The following ARID1B variants were observed in gnomAD, a reference collection of about 807,000 sequenced individuals.
ARID1B encodes AT-rich interactive domain-containing protein 1B.
A neutral mutation model predicts 212.3 loss-of-function variants in ARID1B; 30 were observed. The observed-to-expected ratio is 0.14, with a 90% confidence interval of 0.11 to 0.19. The LOEUF is 0.19. Among genes scored for constraint, ARID1B ranks in the 10% least tolerant of loss-of-function variants. The pLI, the probability that ARID1B is intolerant of heterozygous loss-of-function variation, is 1.00. For synonymous variants in ARID1B, 1,402 were observed against 1,301.7 expected, an observed-to-expected ratio of 1.08 and a Z score of -1.66; for missense variants, 2,891 against 3,204.0, an observed-to-expected ratio of 0.90 and a Z score of 2.36.
chr6:156,986,098 G>A (rs1743112241), intron 4 of ARID1B, among the ~76,000 whole-genome samples: 1 of 152,184 alleles, frequency 6.6e-6, no homozygotes, highest in Admixed American at 6.5e-5. Context: ...CACAGAGGAA[G>A]GGAAAGCGAT....
intron 1 of ARID1B, among the ~76,000 whole-genome samples, chr6:156,811,358 A>G (rs1433180961): frequency 6.6e-6 from 1 of 152,206 alleles, no homozygotes; most frequent in Non-Finnish European, 1.5e-5. Context: ...CATAAATCCC[A>G]TGGATTTATT....
chr6:157,065,693 A>G (rs1318799360), intron 4 of ARID1B, among the ~76,000 whole-genome samples: 2 of 152,254 alleles, frequency 1.3e-5, no homozygotes, highest in Admixed American at 1.3e-4. Context: ...TCATATTTTC[A>G]GGGAGAATAC....
chr6:157,123,264 A>G (rs1432680157), intron 6 of ARID1B, among the ~76,000 whole-genome samples: 1 of 102,258 alleles, frequency 9.8e-6, no homozygotes, highest in Non-Finnish European at 1.9e-5. Flanking sequence ...CACACAAGCA[A>G]ACTCTGGGGA....
Position 157,201,037 on chromosome 6 carries a change from T to G in ARID1B, c.4812T>G (p.Pro1604=), listed in dbSNP as rs141783755. 3.9e-3 allele frequency: 6,301 copies of G among 1,613,828 alleles called. 31 individuals carry two copies. The highest frequency in any genetic ancestry group is 0.018 in the Middle Eastern group (108 of 6,062). ...ATCCCTACCAGAACAGGCAGGGCCC[T>G]GGCGGCCCTACACAGGCGCCCCCTT... is the stretch of plus-strand genomic sequence containing the variant. The part of the protein sequence containing the change: ...MPYPYQNRQG[P]GGPTQAPPYP... The change falls in exon 18 of 20, where the codon CCT becomes CCG. Residue 1604 remains proline (P), a synonymous_variant. Coordinates refer to ENST00000636930, the MANE Select transcript of ARID1B (RefSeq NM_001374828.1). The surrounding 1 kb of genome is among the most constrained non-coding windows in gnomAD (Gnocchi z 5.2).
Position 157,157,400 on chromosome 6 carries a change from G to A in ARID1B, c.3089+8449G>A, listed in dbSNP as rs143270374. Among the ~76,000 whole-genome samples, 1,229 of 152,324 alleles carry A rather than the reference G, an allele frequency of 8.1e-3. 17 individuals carry two copies. Among genetic ancestry groups the A allele is most frequent in the African/African-American group, 0.028 (1,174 of 41,572 alleles). Reference sequence around the variant, plus strand: ...GAAAGGCAGGGATCTTTGGAATTACGTGTGTGCAACAGGAGTGGCAATGGC... The same window carrying A: ...GAAAGGCAGGGATCTTTGGAATTACATGTGTGCAACAGGAGTGGCAATGGC... On this transcript the variant is annotated intron_variant, in intron 8 of 19. Transcript: ENST00000636930.
chr6:157,069,936 C>T (rs906364841), intron 4 of ARID1B, among the ~76,000 whole-genome samples: 10 of 152,148 alleles, frequency 6.6e-5, no homozygotes, highest in African/African-American at 2.4e-4. Flanking sequence ...TAGTTGTTCT[C>T]TTAAAAGGCA....
chr6:157,197,285 C>A (rs906557215), intron 16 of ARID1B, among the ~76,000 whole-genome samples: 1 of 152,262 alleles, frequency 6.6e-6, no homozygotes, highest in Non-Finnish European at 1.5e-5. Context: ...CAGGGTGGAG[C>A]TGACTTCGGG....
chr6:156,889,606 T>C (rs897799014), intron 2 of ARID1B, among the ~76,000 whole-genome samples: 2 of 152,210 alleles, frequency 1.3e-5, no homozygotes, highest in African/African-American at 4.8e-5. Context: ...ATACAAAATG[T>C]GTACTAGAGA....
chr6:157,101,853 T>C (rs968268788), intron 5 of ARID1B, among the ~76,000 whole-genome samples: 5 of 152,242 alleles, frequency 3.3e-5, no homozygotes, highest in Non-Finnish European at 5.9e-5. Context: ...TCATTCAGAC[T>C]CCAGATTTGC....
At chr6:156,795,912 T>G (rs1413515569) in intron 1 of ARID1B, among the ~76,000 whole-genome samples, 1 of 152,190 alleles carries the variant, frequency 6.6e-6, no homozygotes, top group Non-Finnish European at 1.5e-5. Flanking sequence ...AACCTTGTCT[T>G]AGACAAGGGG....
In ARID1B at chr6:156,902,735, CAAAAAAAA is replaced by C. The variant is rs869259426; in HGVS notation, c.2136+1230_2136+1237del. Among the ~76,000 whole-genome samples, 8 of 61,680 alleles carry C rather than the reference CAAAAAAAA, an allele frequency of 1.3e-4. No individual in the cohort carries two copies. The South Asian group carries it at 1.8e-3, about 14-fold the overall frequency. The allele number at this position is 61,680 out of a possible 152,430, so 40.5% of individuals were successfully genotyped here. A position where few individuals can be genotyped will look rare whatever the true frequency, so the allele number is the denominator to read the frequency against. The stretch of plus-strand genomic sequence containing the variant: ...CTTGCAACAGAGTGAGACTCTGTCT[CAAAAAAAA>C]AAAAAAAAAAAAAAAAAAAGTAACA... On this transcript the variant is annotated intron_variant, in intron 3 of 19. Transcript: ENST00000636930.
intron 2 of ARID1B, chr6:156,871,676 T>TA (rs781736730): frequency 1.2e-6 from 2 of 1,609,494 alleles, no homozygotes; most frequent in Non-Finnish European, 1.7e-6. Context: ...TACATGCTCT[T>TA]ACTTGCTCCA....
chr6:156,862,033 A>G (rs1281409160), intron 2 of ARID1B, among the ~76,000 whole-genome samples: 2 of 152,256 alleles, frequency 1.3e-5, no homozygotes, highest in Non-Finnish European at 2.9e-5. Flanking sequence ...CAAGGAATCC[A>G]GGAGGAACAG....
At chr6:157,035,414 T>C (rs1781268146) in intron 4 of ARID1B, among the ~76,000 whole-genome samples, 1 of 152,230 alleles carries the variant, frequency 6.6e-6, no homozygotes. Flanking sequence ...CCAATGTTGA[T>C]TAGAGGTTTT....
chr6:156,912,634 C>T (rs1789988136), intron 3 of ARID1B, among the ~76,000 whole-genome samples: 1 of 152,188 alleles, frequency 6.6e-6, no homozygotes, highest in African/African-American at 2.4e-5. Context: ...AGGCTGCTTC[C>T]TGTTTCATTG....
intron 4 of ARID1B, among the ~76,000 whole-genome samples, chr6:157,074,054 A>G (rs1350409790): frequency 6.6e-6 from 1 of 152,176 alleles, no homozygotes; most frequent in Admixed American, 6.5e-5. Context: ...AATCATCCCC[A>G]TCCCCCAAAA....
chr6:157,042,486 A>G (rs577227078), intron 4 of ARID1B, among the ~76,000 whole-genome samples: 1 of 152,238 alleles, frequency 6.6e-6, no homozygotes, highest in East Asian at 1.9e-4. Context: ...GACTCTTTTT[A>G]TAATATTTGA....
intron 6 of ARID1B, among the ~76,000 whole-genome samples, chr6:157,131,303 A>G (rs1177181230): frequency 2.6e-5 from 4 of 152,110 alleles, no homozygotes; most frequent in Non-Finnish European, 5.9e-5. Context: ...TGGGGAAGAG[A>G]GATGATAAGT....
intron 2 of ARID1B, among the ~76,000 whole-genome samples, chr6:156,893,114 C>T (rs541380864): frequency 7.4e-6 from 1 of 135,842 alleles, no homozygotes; most frequent in East Asian, 2.0e-4. Flanking sequence ...GCAATCTTGG[C>T]TCACTGCAGC....
Sources: gnomAD v4.1 joint callset for allele counts (sites outside exome capture counted in the v4.1 genomes callset) on GRCh38, gnomAD v4.1.1 for gene constraint, Gnocchi (gnomAD v3.1) non-coding constraint, MANE v1.5 for transcripts, NCBI Gene and HGNC (gene_info 2026-07-23, HGNC 2026-07-21) for gene names.